STON2: variants seen among roughly 807,000 people sequenced by gnomAD.
STON2 encodes the protein stonin 2.
In STON2, 29 loss-of-function variants were observed where a neutral mutation model predicts 65.7. That is an observed-to-expected ratio of 0.44 (90% CI 0.33 to 0.60). The LOEUF is 0.60. Among genes scored for constraint, STON2 ranks in the 20% least tolerant of loss-of-function variants. The probability of loss-of-function intolerance (pLI) is 0.03; values close to 1 mark genes in which losing one functional copy is unlikely to be tolerated. For missense variants in STON2, 1,054 were observed against 1,118.1 expected, an observed-to-expected ratio of 0.94 and a Z score of 0.82; for synonymous variants, 404 against 414.2, an observed-to-expected ratio of 0.98 and a Z score of 0.30.
intron 2 of STON2, among the ~76,000 whole-genome samples, chr14:81,409,228 A>G (rs1901028345): frequency 2.0e-5 from 3 of 151,946 alleles, no homozygotes; most frequent in Admixed American, 2.0e-4. Context: ...AACATGGTGA[A>G]ACCTCGTCTC....
At chr14:81,394,266 A>G (rs1311701133) in intron 3 of STON2, among the ~76,000 whole-genome samples, 1 of 152,216 alleles carries the variant, frequency 6.6e-6, no homozygotes, top group East Asian at 1.9e-4. Context: ...ATGTAAAAAT[A>G]TAAATGTTTG....
At chr14:81,413,739 T>C (rs1901285215) in intron 2 of STON2, among the ~76,000 whole-genome samples, 2 of 139,022 alleles carry the variant, frequency 1.4e-5, no homozygotes, top group South Asian at 4.8e-4. Flanking sequence ...GAGGTTGCAG[T>C]GGGCAGAGAT....
Position 81,398,189 on chromosome 14 carries a change from T to C in STON2, c.88+106A>G, listed in dbSNP as rs1341989231. 7.9e-5 allele frequency: 58 copies of C among 737,330 alleles called. No homozygotes were observed. The East Asian group carries it at 1.7e-3, about 22-fold the overall frequency. 45.7% of individuals were successfully genotyped at this position (737,330 alleles called of 1,614,324 possible). A position where few individuals can be genotyped will look rare whatever the true frequency, so the allele number is the denominator to read the frequency against. ...AAAGAAAGTGAGAAACTGACCCTTTTTTCTATATTAAGATCCCACCCAAAG... is the reference window on the plus strand; with the variant it reads ...AAAGAAAGTGAGAAACTGACCCTTTCTTCTATATTAAGATCCCACCCAAAG... On this transcript the variant is annotated intron_variant, in intron 2 of 7. Coordinates refer to ENST00000614646, the MANE Select transcript of STON2 (RefSeq NM_001394390.1).
chr14:81,330,200 G>A (rs574661704), intron 4 of STON2, among the ~76,000 whole-genome samples: 19 of 152,100 alleles, frequency 1.2e-4, no homozygotes, highest in Admixed American at 3.3e-4. Flanking sequence ...ACCCCCTCTC[G>A]GCACCGTGAG....
chr14:81,265,865 G>A lies in STON2; in HGVS notation c.*2549C>T, dbSNP rs1272847340. The A allele has an allele frequency of 1.0e-6, 1 of 985,154 alleles. No individual in the cohort carries two copies. Among genetic ancestry groups the A allele is most frequent in the Non-Finnish European group, 1.2e-6 (1 of 829,906 alleles). 61.0% of individuals were successfully genotyped at this position (985,154 alleles called of 1,614,324 possible). ...ATCCACATGTTATGCTAGCAGATGAGGCAGAGATCTTGACAGAGTGCTAAG... is the reference window on the plus strand; with the variant it reads ...ATCCACATGTTATGCTAGCAGATGAAGCAGAGATCTTGACAGAGTGCTAAG... On this transcript the variant is annotated 3_prime_UTR_variant, in exon 8 of 8. Transcript: ENST00000614646.
chr14:81,310,730 G>A (rs1957543), intron 5 of STON2, among the ~76,000 whole-genome samples: 119,767 of 152,078 alleles, frequency 0.79, 47,301 homozygotes, highest in African/African-American at 0.8. Flanking sequence ...TCTCTTTCAC[G>A]GCAGAGATGG....
chr14:81,429,232 G>T (rs1192910557), intron 1 of STON2, among the ~76,000 whole-genome samples: 1 of 152,196 alleles, frequency 6.6e-6, no homozygotes, highest in Admixed American at 6.5e-5. Flanking sequence ...CATCCTTACG[G>T]AGATATGAAG....
At chr14:81,354,439 C>A (rs562694000) in intron 4 of STON2, among the ~76,000 whole-genome samples, 1 of 152,156 alleles carries the variant, frequency 6.6e-6, no homozygotes, top group South Asian at 2.1e-4. Flanking sequence ...ACGCAGATAT[C>A]GATGCAAGAA....
chr14:81,271,545 G>A (rs1328440432), intron 6 of STON2, among the ~76,000 whole-genome samples: 1 of 151,590 alleles, frequency 6.6e-6, no homozygotes, highest in African/African-American at 2.4e-5. Flanking sequence ...CTGTAAAGTG[G>A]GGAGATTAGG....
At chr14:81,361,952 C>T (rs915409144) in intron 4 of STON2, among the ~76,000 whole-genome samples, 5 of 152,136 alleles carry the variant, frequency 3.3e-5, no homozygotes, top group Non-Finnish European at 7.4e-5. Flanking sequence ...TATCACCTCA[C>T]ACCTGTCAGA....
At chr14:81,390,732 G>C (rs185804016) in intron 3 of STON2, among the ~76,000 whole-genome samples, 23 of 152,322 alleles carry the variant, frequency 1.5e-4, no homozygotes, top group African/African-American at 5.3e-4. Context: ...TATGGCTGCT[G>C]TAACAAATTA....
rs543419022 is a variant in STON2 at position 81,281,653 on chromosome 14, C to G, written c.743-2914G>C. ...ATCTTGTCCTCAAAACAGCCCTTCT[C>G]ATCTTCTAAGCCAAAAATGAAAAGA... On this transcript the variant is annotated intron_variant, in intron 5 of 7. Coordinates refer to ENST00000614646, the MANE Select transcript of STON2 (RefSeq NM_001394390.1). Among the ~76,000 whole-genome samples, 11 of 152,318 alleles carry G rather than the reference C, an allele frequency of 7.2e-5. No homozygotes were observed. The South Asian group carries it at 2.1e-3, about 29-fold the overall frequency.
At chr14:81,381,488 C>A (rs1450824520) in intron 3 of STON2, among the ~76,000 whole-genome samples, 1 of 152,148 alleles carries the variant, frequency 6.6e-6, no homozygotes, top group African/African-American at 2.4e-5. Flanking sequence ...GAGACACCAA[C>A]AGGAATATAG....
chr14:81,276,835 G>T, intron 6 of STON2, 66 bp downstream of exon 6: 1 of 1,538,152 alleles, frequency 6.5e-7, no homozygotes, highest in South Asian at 1.3e-5. Flanking sequence ...TACAGGATGT[G>T]GAACTTTGAT....
intron 4 of STON2, among the ~76,000 whole-genome samples, chr14:81,367,792 C>T (rs1898806522): frequency 6.6e-6 from 1 of 152,038 alleles, no homozygotes; most frequent in Non-Finnish European, 1.5e-5. Context: ...CTACCTGTCA[C>T]CTCTGGGCCT....
Position 81,420,888 on chromosome 14 carries a change from C to T in STON2, c.-199+6214G>A, listed in dbSNP as rs556971405. Among the ~76,000 whole-genome samples the T allele has an allele frequency of 8.4e-4, 128 of 152,308 alleles. 1 individual carries two copies. Among genetic ancestry groups the T allele is most frequent in the African/African-American group, 3.0e-3 (123 of 41,564 alleles). The stretch of plus-strand genomic sequence containing the variant: ...TATGCAACCTCCCTGATTCCTACGT[C>T]CACCCCCAAACCTGCCCCTCCCTAA... On this transcript the variant is annotated intron_variant, in intron 2 of 8. Coordinates refer to the STON2 transcript ENST00000553821.
rs1894191005 is a variant in STON2 at position 81,262,559 on chromosome 14, T to A, written c.*5855A>T. 1 of 985,474 alleles carries A rather than the reference T, an allele frequency of 1.0e-6. No homozygotes were observed. The highest frequency in any genetic ancestry group is 1.2e-6 in the Non-Finnish European group (1 of 829,916). The allele number at this position is 985,474 out of a possible 1,614,324, so 61.0% of individuals were successfully genotyped here. On this transcript the variant is annotated 3_prime_UTR_variant, in exon 8 of 8. Coordinates refer to ENST00000614646, the MANE Select transcript of STON2 (RefSeq NM_001394390.1). Reference sequence around the variant, plus strand: ...CATCTCTCTAGATTTTACTTTTTCATATTGAAATTCTTTTTTTAGTCTATT... The same window carrying A: ...CATCTCTCTAGATTTTACTTTTTCAAATTGAAATTCTTTTTTTAGTCTATT...
At chr14:81,397,872 A>G (rs913528967) in intron 2 of STON2, among the ~76,000 whole-genome samples, 1 of 152,194 alleles carries the variant, frequency 6.6e-6, no homozygotes, top group Non-Finnish European at 1.5e-5. Flanking sequence ...GAAGCTATGC[A>G]TGGAGAGGTT....
In STON2 at chr14:81,270,681, A is replaced by G. The variant is rs1441304548; in HGVS notation, c.2773T>C (p.Tyr925His). 1.1e-5 allele frequency: 17 copies of G among 1,614,080 alleles called. No individual in the cohort carries two copies. Among genetic ancestry groups the G allele is most frequent in the Non-Finnish European group, 1.4e-5 (17 of 1,180,054 alleles). Residue 925 changes from tyrosine (Y) to histidine (H), a missense_variant, in exon 7 of 8, where the codon TAC becomes CAC. Transcript: ENST00000614646. ...CTTCCCAAGGCTACCTGGTAGCTGT[A>G]GTGTGCAGAATAATTGACCCACTTC... is the stretch of plus-strand genomic sequence containing the variant. ...VRKWVNYSAH[Y>H]SYQVEIEQKK...
Sources: gnomAD v4.1 joint callset for allele counts (sites outside exome capture counted in the v4.1 genomes callset) on GRCh38, gnomAD v4.1.1 for gene constraint, MANE v1.5 for transcripts, NCBI Gene and HGNC (gene_info 2026-07-23, HGNC 2026-07-21) for gene names.